The following SUGCT variants were observed in gnomAD, a reference collection of about 807,000 sequenced individuals.
SUGCT encodes the protein succinyl-CoA:glutarate CoA-transferase.
In SUGCT, 41 loss-of-function variants were observed where a neutral mutation model predicts 55.0. The observed-to-expected ratio is 0.74, with a 90% CI of 0.58 to 0.97. SUGCT has a LOEUF of 0.97. SUGCT is among the 50% of genes least tolerant of loss of function. The pLI, the probability that SUGCT is intolerant of heterozygous loss-of-function variation, is 0.00. For missense variants in SUGCT, 568 were observed against 547.8 expected (o/e 1.04, Z -0.37); for synonymous variants, 187 against 200.4 (o/e 0.93, Z 0.56).
intron 9 of SUGCT, among the ~76,000 whole-genome samples, chr7:40,348,017 G>A (rs1386707104): frequency 2.0e-5 from 3 of 152,194 alleles, no homozygotes; most frequent in African/African-American, 7.2e-5. Flanking sequence ...GGATGGGAAT[G>A]ACCCTACCCC....
At position 40,269,820 on chromosome 7, in the gene SUGCT, T is replaced by C. The variant is rs113221001; in HGVS notation, c.577-4693T>C. On this transcript the variant is annotated intron_variant, in intron 7 of 13. Coordinates refer to ENST00000335693, the MANE Select transcript of SUGCT (RefSeq NM_001193313.2). ...ATTTAAATTAGGTCATTTTTCTTGT[T>C]ATTTTTGCGTTGTAAGTGTTCTTTA... Among the ~76,000 whole-genome samples the C allele has an allele frequency of 1.1e-4, 16 of 152,336 alleles. No homozygotes were observed. In the South Asian group the frequency reaches 2.5e-3, roughly 24 times the overall value.
At chr7:40,677,352 ATCAC>A (rs1439160474) in intron 12 of SUGCT, among the ~76,000 whole-genome samples, 6 of 152,200 alleles carry the variant, frequency 3.9e-5, no homozygotes, top group Admixed American at 2.0e-4. Flanking sequence ...GTTTATTTTA[ATCAC>A]TCACCAAAGT....
At chr7:40,459,264 T>C in intron 11 of SUGCT, 66 bp downstream of exon 11, 1 of 1,069,852 alleles carries the variant, frequency 9.3e-7, no homozygotes, top group Non-Finnish European at 1.4e-6. Flanking sequence ...TCTGGTGTTT[T>C]ATATGTTTTT....
At chr7:41,024,225 A>G in the SUGCT span, among the ~76,000 whole-genome samples, 28,509 of 152,220 alleles carry the variant, frequency 0.19, 4,642 homozygotes, top group African/African-American at 0.44. Context: ...TAAATGTGGA[A>G]GGCAAAACCT....
chr7:40,573,704 A>G (rs1040685704), intron 12 of SUGCT, among the ~76,000 whole-genome samples: 9 of 152,192 alleles, frequency 5.9e-5, no homozygotes, highest in African/African-American at 2.2e-4. Context: ...GAAATGGCAG[A>G]TGCCTTAATG....
intron 12 of SUGCT, among the ~76,000 whole-genome samples, chr7:40,717,941 C>A (rs1319719938): frequency 6.6e-6 from 1 of 152,064 alleles, no homozygotes; most frequent in Non-Finnish European, 1.5e-5. Flanking sequence ...TCTTTATTCA[C>A]ATATTTTAGT....
chr7:40,856,991 C>G (rs898186782), intron 13 of SUGCT, among the ~76,000 whole-genome samples: 1 of 152,092 alleles, frequency 6.6e-6, no homozygotes, highest in African/African-American at 2.4e-5. Context: ...ACTCAGTGCC[C>G]AAACCACCCT....
chr7:40,573,789 C>G (rs980185321), intron 12 of SUGCT, among the ~76,000 whole-genome samples: 4 of 152,174 alleles, frequency 2.6e-5, no homozygotes, highest in Non-Finnish European at 2.9e-5. Flanking sequence ...TGTCCAAGAT[C>G]CCCCAGGTAG....
chr7:40,512,881 A>G (rs1459782967), intron 12 of SUGCT, among the ~76,000 whole-genome samples: 1 of 152,130 alleles, frequency 6.6e-6, no homozygotes, highest in Non-Finnish European at 1.5e-5. Context: ...CCTGTATGCC[A>G]TGTTGGGGAG....
rs145493183 is a variant in SUGCT at position 40,651,325 on chromosome 7, G to T, written c.1090-98109G>T. On this transcript the variant is annotated intron_variant, in intron 12 of 13. Coordinates refer to ENST00000335693, the MANE Select transcript of SUGCT (RefSeq NM_001193313.2). ...TTGTATTTCATTGTGGTTTTAATTTGCACTTCTCTAATGATCAGTGATGTT... is the reference window on the plus strand; with the variant it reads ...TTGTATTTCATTGTGGTTTTAATTTTCACTTCTCTAATGATCAGTGATGTT... Among the ~76,000 whole-genome samples, 891 of 152,168 alleles carry T rather than the reference G, an allele frequency of 5.9e-3. 8 individuals carry two copies. The highest frequency in any genetic ancestry group is 0.02 in the African/African-American group (834 of 41,520).
At position 40,353,546 on chromosome 7, in the gene SUGCT, T is replaced by C. The variant is rs940441570; in HGVS notation, c.816+36691T>C. Among the ~76,000 whole-genome samples, 9 of 152,234 alleles carry C rather than the reference T, an allele frequency of 5.9e-5. 1 individual carries two copies. Among genetic ancestry groups the C allele is most frequent in the Non-Finnish European group, 1.3e-4 (9 of 68,036 alleles). On this transcript the variant is annotated intron_variant, in intron 9 of 13. Coordinates refer to ENST00000335693, the MANE Select transcript of SUGCT (RefSeq NM_001193313.2). ...CAGTAAATACCTTTCACGTTGAAGA[T>C]AATTTGTCTTTTAATAAAGATAATT...
intron 12 of SUGCT, among the ~76,000 whole-genome samples, chr7:40,575,939 G>A (rs1796723830): frequency 7.3e-6 from 1 of 136,668 alleles, no homozygotes; most frequent in Non-Finnish European, 1.5e-5. Flanking sequence ...GTGAGACACT[G>A]TCTCAAAAAA....
chr7:40,288,458 G>A (rs890125630), intron 8 of SUGCT, among the ~76,000 whole-genome samples: 20 of 152,080 alleles, frequency 1.3e-4, no homozygotes, highest in African/African-American at 4.3e-4. Context: ...ATGTCACAAA[G>A]CTTGCCGGTC....
At chr7:40,552,429 G>A (rs1795347180) in intron 12 of SUGCT, among the ~76,000 whole-genome samples, 1 of 152,110 alleles carries the variant, frequency 6.6e-6, no homozygotes, top group Non-Finnish European at 1.5e-5. Flanking sequence ...GCCTGGAGCG[G>A]AGTCCCTGCA....
At chr7:40,512,085 G>GCAGT (rs1792963713) in intron 12 of SUGCT, among the ~76,000 whole-genome samples, 1 of 152,068 alleles carries the variant, frequency 6.6e-6, no homozygotes, top group Admixed American at 6.6e-5. Context: ...GTAATTAAAT[G>GCAGT]TTACCAGAAT....
chr7:40,918,134 C>T, the SUGCT span, among the ~76,000 whole-genome samples: 17 of 151,940 alleles, frequency 1.1e-4, 2 homozygotes, highest in Admixed American at 9.2e-4. Flanking sequence ...GTCTCTTCAT[C>T]TCCTCATACC....
At chr7:40,707,539 C>T (rs1279086935) in intron 12 of SUGCT, among the ~76,000 whole-genome samples, 1 of 152,150 alleles carries the variant, frequency 6.6e-6, no homozygotes, top group Non-Finnish European at 1.5e-5. Flanking sequence ...ACTTCTGGCT[C>T]TTTGCATTTT....
Position 40,493,598 on chromosome 7 carries a change from T to C in SUGCT, c.987-2686T>C, listed in dbSNP as rs547196220. Reference sequence around the variant, plus strand: ...TTACAAAAATCTAGAATGAAATATATGTGTTGATTTAGTAAGTTGCCAATT... The same window carrying C: ...TTACAAAAATCTAGAATGAAATATACGTGTTGATTTAGTAAGTTGCCAATT... On this transcript the variant is annotated intron_variant, in intron 11 of 13. Coordinates refer to ENST00000335693, the MANE Select transcript of SUGCT (RefSeq NM_001193313.2). 7.4e-4 allele frequency among the ~76,000 whole-genome samples: 112 copies of C among 152,320 alleles called. 2 individuals carry two copies. In the Middle Eastern group the frequency reaches 0.014, roughly 19 times the overall value.
rs182403324 is a variant in SUGCT at position 40,796,149 on chromosome 7, A to C, written c.1153+46652A>C. Among the ~76,000 whole-genome samples, 5 of 152,258 alleles carry C rather than the reference A, an allele frequency of 3.3e-5. No homozygotes were observed. The South Asian group carries it at 8.3e-4, about 25-fold the overall frequency. On this transcript the variant is annotated intron_variant, in intron 13 of 13. Transcript: ENST00000335693. The stretch of plus-strand genomic sequence containing the variant: ...AACAAATACCTTTCAGGAAAAAAAA[A>C]CCACACAGTGTGTTGAGCCCACTAA...
Sources: gnomAD v4.1 joint callset for allele counts (sites outside exome capture counted in the v4.1 genomes callset) on GRCh38, gnomAD v4.1.1 for gene constraint, MANE v1.5 for transcripts, NCBI Gene and HGNC (gene_info 2026-07-23, HGNC 2026-07-21) for gene names.